NDST4: variants seen among roughly 807,000 people sequenced by gnomAD.
NDST4 encodes the protein N-heparan sulfate sulfotransferase 4.
A neutral mutation model predicts 100.8 loss-of-function variants in NDST4; 63 were observed. The observed-to-expected ratio is 0.62, with a 90% CI of 0.51 to 0.77. The LOEUF (loss-of-function observed/expected upper bound fraction) is 0.77, where lower values mean the gene tolerates loss of function less well. Among genes scored for constraint, NDST4 ranks in the 30% least tolerant of loss-of-function variants. The pLI is 0.00. For missense variants in NDST4, 943 were observed against 1,018.4 expected (o/e 0.93, Z 1.01); for synonymous variants, 377 against 361.8 (o/e 1.04, Z -0.48).
intron 9 of NDST4, among the ~76,000 whole-genome samples, chr4:114,847,046 C>A (rs1723564424): frequency 6.6e-6 from 1 of 152,060 alleles, no homozygotes; most frequent in Non-Finnish European, 1.5e-5. Flanking sequence ...GCCGGTGTTG[C>A]ACCTGCCCAA....
At chr4:114,853,982 T>C (rs1723735426) in intron 7 of NDST4, among the ~76,000 whole-genome samples, 1 of 150,988 alleles carries the variant, frequency 6.6e-6, no homozygotes, top group Non-Finnish European at 1.5e-5. Context: ...TCTAATTTTA[T>C]GCTTTTGTTA....
intron 6 of NDST4, among the ~76,000 whole-genome samples, chr4:114,887,060 C>G (rs1239414176): frequency 6.6e-6 from 1 of 152,130 alleles, no homozygotes; most frequent in African/African-American, 2.4e-5. Context: ...TACACTTTGG[C>G]TTTCACATTG....
intron 9 of NDST4, 115 bp from the exon 10 acceptor site, chr4:114,846,112 G>T (rs1723545028): frequency 1.2e-6 from 1 of 824,448 alleles, no homozygotes; most frequent in East Asian, 2.7e-5. Flanking sequence ...TGATTATTAT[G>T]CTGTTATAGT....
intron 4 of NDST4, among the ~76,000 whole-genome samples, chr4:114,943,106 A>G (rs1469359467): frequency 6.8e-6 from 1 of 147,980 alleles, no homozygotes; most frequent in Non-Finnish European, 1.5e-5. Flanking sequence ...TTATATATGT[A>G]TATGATAAGG....
intron 2 of NDST4, among the ~76,000 whole-genome samples, chr4:115,070,897 A>G (rs1729062051): frequency 6.6e-6 from 1 of 151,966 alleles, no homozygotes; most frequent in Admixed American, 6.6e-5. Flanking sequence ...TTGAAGTCAG[A>G]AGTTTGATGC....
chr4:114,946,242 G>T (rs532557348), intron 4 of NDST4, among the ~76,000 whole-genome samples: 3 of 152,052 alleles, frequency 2.0e-5, no homozygotes, highest in Non-Finnish European at 2.9e-5. Flanking sequence ...CCAACACATG[G>T]CTTATTAATT....
At chr4:114,947,606 A>G (rs1429929082) in intron 4 of NDST4, among the ~76,000 whole-genome samples, 3 of 152,166 alleles carry the variant, frequency 2.0e-5, no homozygotes, top group African/African-American at 7.2e-5. Context: ...TCAGGTGGAA[A>G]TAAGAATGGT....
At position 115,077,042 on chromosome 4, in the gene NDST4, A is replaced by C. The variant is rs1410970904; in HGVS notation, c.-6T>G. Reference sequence around the variant, plus strand: ...AGTTTCACAATAAGATTCATTTTTTAGAATAATGTTTTGGAAGCTTTTTCC... The same window carrying C: ...AGTTTCACAATAAGATTCATTTTTTCGAATAATGTTTTGGAAGCTTTTTCC... On this transcript the variant is annotated 5_prime_UTR_variant, in exon 2 of 14. Coordinates refer to ENST00000264363, the MANE Select transcript of NDST4 (RefSeq NM_022569.3). The C allele has an allele frequency of 6.3e-7, 1 of 1,582,686 alleles. No homozygotes were observed.
intron 1 of NDST4, among the ~76,000 whole-genome samples, chr4:115,106,583 A>G (rs1244794878): frequency 6.6e-6 from 1 of 152,130 alleles, no homozygotes; most frequent in Non-Finnish European, 1.5e-5. Context: ...TGATATGTAC[A>G]TAATTGTTAT....
At chr4:115,060,613 A>G (rs1287594823) in intron 2 of NDST4, among the ~76,000 whole-genome samples, 1 of 152,002 alleles carries the variant, frequency 6.6e-6, no homozygotes, top group South Asian at 2.1e-4. Flanking sequence ...GTAATAGGGA[A>G]CTAATTGTGA....
At chr4:115,049,133 C>T (rs1178006837) in intron 2 of NDST4, among the ~76,000 whole-genome samples, 2 of 152,108 alleles carry the variant, frequency 1.3e-5, no homozygotes, top group Non-Finnish European at 2.9e-5. Flanking sequence ...GAATGTGTTG[C>T]CTCATCTTTA....
At chr4:115,082,192 A>G (rs748975145) in intron 1 of NDST4, among the ~76,000 whole-genome samples, 2 of 152,152 alleles carry the variant, frequency 1.3e-5, no homozygotes, top group African/African-American at 2.4e-5. Context: ...AGTGGAATAA[A>G]TATCTCCTAG....
rs138927153 is a variant in NDST4, at chr4:114,870,257, T to A, written c.1719+511A>T. Among the ~76,000 whole-genome samples the A allele has an allele frequency of 2.0e-3, 307 of 152,306 alleles. 1 individual carries two copies. The highest frequency in any genetic ancestry group is 6.6e-3 in the African/African-American group (276 of 41,588). On this transcript the variant is annotated intron_variant, in intron 7 of 13. Coordinates refer to ENST00000264363, the MANE Select transcript of NDST4 (RefSeq NM_022569.3). Reference sequence around the variant, plus strand: ...GTAGGTCTAATATTAGTGAAAGATCTGTTAGATTTAAAGAAAAGTGAAGAT... The same window carrying A: ...GTAGGTCTAATATTAGTGAAAGATCAGTTAGATTTAAAGAAAAGTGAAGAT...
At chr4:114,944,371 T>C (rs897421208) in intron 4 of NDST4, among the ~76,000 whole-genome samples, 2 of 152,166 alleles carry the variant, frequency 1.3e-5, no homozygotes, top group Non-Finnish European at 2.9e-5. Flanking sequence ...ACATCACATA[T>C]AACTCTCTCC....
chr4:114,853,419 A>G (rs1241547901), intron 7 of NDST4, among the ~76,000 whole-genome samples: 1 of 152,074 alleles, frequency 6.6e-6, no homozygotes, highest in East Asian at 1.9e-4. Context: ...GAAATTTCAG[A>G]CTCAACATAC....
At position 115,006,047 on chromosome 4, in the gene NDST4, AAAG is replaced by A. The variant is rs1370155635; in HGVS notation, c.979-28776_979-28774del. The stretch of plus-strand genomic sequence containing the variant: ...ACTCTATCTCAAAAAAAAAAAAAAA[AAAG>A]AAGAAGAAGAAGGAGAGATAGAAAA... On this transcript the variant is annotated intron_variant, in intron 2 of 13. Coordinates refer to ENST00000264363, the MANE Select transcript of NDST4 (RefSeq NM_022569.3). Among the ~76,000 whole-genome samples the A allele has an allele frequency of 3.6e-4, 45 of 126,668 alleles. No homozygotes were observed. The East Asian group carries it at 4.8e-3, about 13-fold the overall frequency. 83.1% of individuals were successfully genotyped at this position (126,668 alleles called of 152,430 possible).
chr4:115,069,545 T>C (rs758699561), intron 2 of NDST4, among the ~76,000 whole-genome samples: 6 of 152,034 alleles, frequency 3.9e-5, no homozygotes, highest in Non-Finnish European at 5.9e-5. Context: ...AACAAGCATA[T>C]GGAAAAAACT....
chr4:115,039,439 GA>G (rs33984444), intron 2 of NDST4, among the ~76,000 whole-genome samples: 9 of 149,122 alleles, frequency 6.0e-5, no homozygotes, highest in African/African-American at 9.8e-5. Flanking sequence ...TACACTGAAA[GA>G]AAAAAAAAAC....
chr4:114,949,787 C>T (rs1442575088), intron 4 of NDST4, among the ~76,000 whole-genome samples: 2 of 152,012 alleles, frequency 1.3e-5, no homozygotes, highest in African/African-American at 4.8e-5. Context: ...ATTCTTTTAA[C>T]TGGACAGTTT....
Sources: allele counts gnomAD v4.1 joint callset (sites outside exome capture counted in the v4.1 genomes callset), GRCh38; gene constraint gnomAD v4.1.1; transcripts MANE v1.5; gene names NCBI Gene and HGNC (gene_info 2026-07-23, HGNC 2026-07-21).